GABRG3: variants seen among roughly 807,000 people sequenced by gnomAD.
GABRG3 encodes gamma-aminobutyric acid receptor subunit gamma-3.
A neutral mutation model predicts 48.8 loss-of-function variants in GABRG3; 25 were observed. That is an observed-to-expected ratio of 0.51 (90% CI 0.37 to 0.72). The LOEUF is 0.72. Ranked by LOEUF, GABRG3 falls within the 30% of genes least tolerant of loss-of-function variation. The probability of loss-of-function intolerance (pLI) is 0.00; values close to 1 mark genes in which losing one functional copy is unlikely to be tolerated. For missense variants in GABRG3, 394 were observed against 577.9 expected, an observed-to-expected ratio of 0.68 and a Z score of 3.26; for synonymous variants, 227 against 217.6, an observed-to-expected ratio of 1.04 and a Z score of -0.38.
At chr15:27,158,902 G>A (rs1898503125) in intron 3 of GABRG3, among the ~76,000 whole-genome samples, 1 of 152,044 alleles carries the variant, frequency 6.6e-6, no homozygotes, top group African/African-American at 2.4e-5. Context: ...TTTGAAAGAT[G>A]TTGTCTTTAA....
intron 3 of GABRG3, among the ~76,000 whole-genome samples, chr15:27,120,037 G>A (rs1897704852): frequency 6.6e-6 from 1 of 152,240 alleles, no homozygotes; most frequent in African/African-American, 2.4e-5. Context: ...TGAACACCAG[G>A]AGGTGGGGAT....
chr15:27,429,378 C>G (rs1010730252), intron 5 of GABRG3, among the ~76,000 whole-genome samples: 1 of 152,112 alleles, frequency 6.6e-6, no homozygotes, highest in East Asian at 1.9e-4. Context: ...CTCTAAGTCT[C>G]CCATAACCTG....
At chr15:27,064,170 C>T (rs1896698322) in intron 3 of GABRG3, among the ~76,000 whole-genome samples, 1 of 152,208 alleles carries the variant, frequency 6.6e-6, no homozygotes, top group Non-Finnish European at 1.5e-5. Context: ...AGTCCGCAGC[C>T]TCTCCCCAGG....
chr15:27,293,010 A>G (rs1891845578), intron 3 of GABRG3, among the ~76,000 whole-genome samples: 1 of 152,206 alleles, frequency 6.6e-6, no homozygotes, highest in South Asian at 2.1e-4. Context: ...CTTAAAGCAT[A>G]AGATAGGGAA....
chr15:27,113,883 G>A (rs1279131723), intron 3 of GABRG3, among the ~76,000 whole-genome samples: 1 of 152,186 alleles, frequency 6.6e-6, no homozygotes, highest in African/African-American at 2.4e-5. Flanking sequence ...AAATACTTGA[G>A]TCTTTCCCCT....
intron 3 of GABRG3, among the ~76,000 whole-genome samples, chr15:27,086,301 G>C (rs1452551863): frequency 6.6e-6 from 1 of 152,018 alleles, no homozygotes; most frequent in Non-Finnish European, 1.5e-5. Flanking sequence ...GCTCCTACTG[G>C]GGACAGAGCA....
intron 6 of GABRG3, among the ~76,000 whole-genome samples, chr15:27,510,899 A>C (rs1890880747): frequency 6.7e-6 from 1 of 150,310 alleles, no homozygotes; most frequent in African/African-American, 2.5e-5. Context: ...AATACTTTAA[A>C]TATTTTTTTC....
intron 3 of GABRG3, among the ~76,000 whole-genome samples, chr15:27,204,090 G>T (rs1289323328): frequency 2.6e-5 from 4 of 152,050 alleles, no homozygotes; most frequent in African/African-American, 7.2e-5. Flanking sequence ...TGTCGGAATT[G>T]CTTTTCAAGT....
chr15:27,410,146 G>A (rs1441376280), intron 5 of GABRG3, among the ~76,000 whole-genome samples: 2 of 152,096 alleles, frequency 1.3e-5, no homozygotes, highest in Non-Finnish European at 2.9e-5. Flanking sequence ...TTTGTCAAAA[G>A]CATTTATCTA....
At chr15:27,018,869 C>A (rs561571130) in intron 2 of GABRG3, among the ~76,000 whole-genome samples, 1 of 152,152 alleles carries the variant, frequency 6.6e-6, no homozygotes, top group East Asian at 1.9e-4. Context: ...TAATAGTATT[C>A]TCCAAGTTAG....
At chr15:27,349,988 T>C (rs1433072137) in intron 5 of GABRG3, 2 of 366,760 alleles carry the variant, frequency 5.5e-6, no homozygotes, top group African/African-American at 4.3e-5. Context: ...TTCCCATCGG[T>C]ACTCACTTCT....
At chr15:26,973,944 T>TA (rs1894890099) in intron 1 of GABRG3, among the ~76,000 whole-genome samples, 1 of 152,216 alleles carries the variant, frequency 6.6e-6, no homozygotes, top group Non-Finnish European at 1.5e-5. Flanking sequence ...ATAACTTACT[T>TA]AGAATTTAGG....
chr15:26,979,917 G>A (rs1406170695), intron 2 of GABRG3, among the ~76,000 whole-genome samples: 1 of 152,188 alleles, frequency 6.6e-6, no homozygotes, highest in Admixed American at 6.5e-5. Context: ...ATAAGGGTTT[G>A]TGTTAATTCT....
chr15:27,217,915 T>A (rs572580098), intron 3 of GABRG3, among the ~76,000 whole-genome samples: 2 of 151,914 alleles, frequency 1.3e-5, no homozygotes, highest in Admixed American at 1.3e-4. Flanking sequence ...GGGAGGAGGG[T>A]GAACTGCAAA....
intron 3 of GABRG3, among the ~76,000 whole-genome samples, chr15:27,144,705 A>G (rs1898166592): frequency 6.6e-6 from 1 of 152,208 alleles, no homozygotes; most frequent in Admixed American, 6.5e-5. Context: ...TCATATGCAT[A>G]CCCAGAAAAT....
rs1891452058 is a variant in GABRG3 at position 27,532,635 on chromosome 15, T to G, written c.1158T>G (p.Thr386=). ...TCCTGGACATGAGGCCACCACCAAC[T>G]GCGATGATCACTTTAAACAATTCCG... is the stretch of plus-strand genomic sequence containing the variant. ...YSLLDMRPPP[T]AMITLNNSVY... is the part of the protein sequence containing the mutation. Residue 386 remains threonine, a synonymous_variant, in exon 10 of 10, where the codon ACT becomes ACG. Coordinates refer to ENST00000615808, the MANE Select transcript of GABRG3 (RefSeq NM_033223.5). The G allele has an allele frequency of 6.2e-7, 1 of 1,613,876 alleles. No individual in the cohort carries two copies. Among genetic ancestry groups the G allele is most frequent in the Admixed American group, 1.7e-5 (1 of 60,008 alleles).
At chr15:27,210,570 C>G (rs1213386273) in intron 3 of GABRG3, among the ~76,000 whole-genome samples, 3 of 152,232 alleles carry the variant, frequency 2.0e-5, no homozygotes. Flanking sequence ...CCCACCCTGA[C>G]AAGCACCACG....
At chr15:27,094,132 CT>C (rs1470919841) in intron 3 of GABRG3, among the ~76,000 whole-genome samples, 5 of 152,178 alleles carry the variant, frequency 3.3e-5, no homozygotes, top group African/African-American at 1.2e-4. Flanking sequence ...CTGAATTAAG[CT>C]GGCTGCTTCC....
chr15:27,375,553 A>G (rs1319109703), intron 5 of GABRG3, among the ~76,000 whole-genome samples: 1 of 152,084 alleles, frequency 6.6e-6, no homozygotes, highest in Non-Finnish European at 1.5e-5. Context: ...AGAAAAAGAG[A>G]TTTAATTGGA....
Sources: gnomAD v4.1 joint callset for allele counts (sites outside exome capture counted in the v4.1 genomes callset) on GRCh38, gnomAD v4.1.1 for gene constraint, MANE v1.5 for transcripts, NCBI Gene and HGNC (gene_info 2026-07-23, HGNC 2026-07-21) for gene names.